Variants in CSMD2 observed in about 807,000 individuals in gnomAD.
CSMD2 encodes the protein CUB and Sushi multiple domains 2.
CSMD2 carries 130 observed loss-of-function variants against 398.5 expected under a neutral mutation model. That is an observed-to-expected ratio of 0.33 (90% CI 0.28 to 0.38). The LOEUF is 0.38. Ranked by LOEUF, CSMD2 falls within the 10% of genes least tolerant of loss-of-function variation. The pLI is 1.00. For missense variants in CSMD2, 3,829 were observed against 4,764.9 expected, an observed-to-expected ratio of 0.80 and a Z score of 5.78; for synonymous variants, 1,828 against 1,908.5, an observed-to-expected ratio of 0.96 and a Z score of 1.10.
At chr1:33,666,659 A>G (rs924684890) in intron 25 of CSMD2, among the ~76,000 whole-genome samples, 4 of 152,012 alleles carry the variant, frequency 2.6e-5, no homozygotes, top group Non-Finnish European at 5.9e-5. Flanking sequence ...ATAGGAGGGG[A>G]TTCCTTAAAA....
intron 1 of CSMD2, among the ~76,000 whole-genome samples, chr1:34,134,174 G>A (rs1638475861): frequency 6.6e-6 from 1 of 151,712 alleles, no homozygotes; most frequent in African/African-American, 2.4e-5. Context: ...TTCTCTTGGT[G>A]CCTCCATCAC....
intron 26 of CSMD2, among the ~76,000 whole-genome samples, chr1:33,661,231 G>C (rs916856945): frequency 6.6e-6 from 1 of 152,172 alleles, no homozygotes; most frequent in Non-Finnish European, 1.5e-5. Flanking sequence ...CAGCTTGGGC[G>C]CAGTTGGAGA....
chr1:33,677,998 A>G (rs1055132837), intron 25 of CSMD2, among the ~76,000 whole-genome samples: 3 of 150,690 alleles, frequency 2.0e-5, no homozygotes, highest in South Asian at 2.1e-4. Flanking sequence ...TAGGAGATAT[A>G]CCTAATGCTA....
intron 39 of CSMD2, 45 bp from the exon 40 acceptor site, chr1:33,614,665 G>T: frequency 8.8e-7 from 1 of 1,140,482 alleles, no homozygotes; most frequent in Non-Finnish European, 1.3e-6. Context: ...ACATCAAGGG[G>T]TGTACAGGGC....
At chr1:33,896,507 C>T (rs911437753) in intron 5 of CSMD2, among the ~76,000 whole-genome samples, 4 of 152,198 alleles carry the variant, frequency 2.6e-5, no homozygotes, top group African/African-American at 9.6e-5. Flanking sequence ...AGCAGTCCCT[C>T]CTGTGACACT....
At chr1:34,099,804 A>T (rs1030311179) in intron 1 of CSMD2, among the ~76,000 whole-genome samples, 10 of 152,200 alleles carry the variant, frequency 6.6e-5, no homozygotes, top group Non-Finnish European at 1.2e-4. Context: ...TGAGAGCTGG[A>T]GCCTTGACCT....
At chr1:33,834,920 A>G (rs1190143518) in intron 6 of CSMD2, among the ~76,000 whole-genome samples, 1 of 50,442 alleles carries the variant, frequency 2.0e-5, no homozygotes, top group Non-Finnish European at 3.0e-5. Flanking sequence ...ATCACTGGCC[A>G]TCAGAGAAAT....
intron 5 of CSMD2, among the ~76,000 whole-genome samples, chr1:33,848,448 A>G (rs1055768927): frequency 6.6e-6 from 1 of 152,172 alleles, no homozygotes; most frequent in Non-Finnish European, 1.5e-5. Context: ...ATCTAGCCCA[A>G]CTGGAAGCCA....
chr1:33,670,425 C>T (rs1350618884), intron 25 of CSMD2, among the ~76,000 whole-genome samples: 1 of 152,204 alleles, frequency 6.6e-6, no homozygotes, highest in Non-Finnish European at 1.5e-5. Context: ...CCTTGCCAAG[C>T]ATCTGTCACT....
rs202122949 is a variant in CSMD2 at position 33,625,071 on chromosome 1, A to T, written c.5480T>A (p.Val1827Asp). Residue 1827 changes from valine (V) to aspartate (D), a missense_variant, in exon 34 of 71, where the codon GTC becomes GAC. Physicochemically the swap from Val to Asp is radical, Grantham distance 152. Coordinates refer to ENST00000373381, the MANE Select transcript of CSMD2 (RefSeq NM_001281956.2). ...CTCACCCACACACGTGGGCGCTGAG[A>T]CATTCCATTGGGCCAAGGCCCCAGG... ...PVPGALAQWN[V>D]SAPTCVVPCG... 14 of 1,613,908 alleles carry T rather than the reference A, an allele frequency of 8.7e-6. No homozygotes were observed. The highest frequency in any genetic ancestry group is 1.2e-5 in the Non-Finnish European group (14 of 1,179,996).
chr1:34,157,903 T>C (rs1640954643), intron 1 of CSMD2, among the ~76,000 whole-genome samples: 1 of 152,136 alleles, frequency 6.6e-6, no homozygotes, highest in African/African-American at 2.4e-5. Context: ...TTTGTGGATG[T>C]ATAGTGGGTC....
intron 13 of CSMD2, among the ~76,000 whole-genome samples, chr1:33,755,645 T>A (rs1348170): frequency 0.041 from 6,181 of 152,274 alleles, 191 homozygotes; most frequent in Admixed American, 0.1. Context: ...CAAGTTATTT[T>A]TTCTTTAAAC....
At chr1:33,835,826 T>C (rs531599870) in intron 6 of CSMD2, among the ~76,000 whole-genome samples, 73 of 152,130 alleles carry the variant, frequency 4.8e-4, no homozygotes, top group Admixed American at 1.4e-3. Flanking sequence ...CTTTAGCTCA[T>C]CATAGTTTAA....
At chr1:34,140,245 T>A (rs1233892318) in intron 1 of CSMD2, among the ~76,000 whole-genome samples, 9 of 146,420 alleles carry the variant, frequency 6.1e-5, no homozygotes, top group Admixed American at 3.5e-4. Flanking sequence ...CCATGGTTAA[T>A]GCAGTGAAAG....
chr1:33,656,289 G>A (rs1023552608), intron 27 of CSMD2, among the ~76,000 whole-genome samples: 2 of 152,206 alleles, frequency 1.3e-5, no homozygotes, highest in African/African-American at 2.4e-5. Context: ...GAGAGTTGAA[G>A]TAATTTCCCA....
chr1:33,550,590 A>G (rs1657352760), intron 55 of CSMD2, among the ~76,000 whole-genome samples: 1 of 152,214 alleles, frequency 6.6e-6, no homozygotes, highest in Non-Finnish European at 1.5e-5. Flanking sequence ...CAGATATACA[A>G]TAACATTAGA....
intron 1 of CSMD2, among the ~76,000 whole-genome samples, chr1:34,119,386 C>A (rs1661935453): frequency 6.6e-6 from 1 of 152,152 alleles, no homozygotes; most frequent in Non-Finnish European, 1.5e-5. Context: ...TATGACAACA[C>A]AAGCACAGGC....
intron 41 of CSMD2, among the ~76,000 whole-genome samples, chr1:33,608,181 T>C (rs1640758117): frequency 6.7e-6 from 1 of 150,334 alleles, no homozygotes; most frequent in African/African-American, 2.5e-5. Context: ...TCTGTGGGGG[T>C]AGTTAGGCCT....
At chr1:34,052,530 TAAGAAA>T (rs1653321273) in intron 2 of CSMD2, among the ~76,000 whole-genome samples, 1 of 147,446 alleles carries the variant, frequency 6.8e-6, no homozygotes, top group African/African-American at 2.5e-5. Flanking sequence ...TGTGTGTGTG[TAAGAAA>T]GAGAAAGAGG....
Sources: gnomAD v4.1 joint callset for allele counts (sites outside exome capture counted in the v4.1 genomes callset) on GRCh38, gnomAD v4.1.1 for gene constraint, MANE v1.5 for transcripts, NCBI Gene and HGNC (gene_info 2026-07-23, HGNC 2026-07-21) for gene names.